The following AGBL2 variants were observed in gnomAD, a reference collection of about 807,000 sequenced individuals.
AGBL2 encodes the protein cytosolic carboxypeptidase 2.
Under a neutral mutation model 103.0 loss-of-function variants are expected in AGBL2, and 87 were observed. The observed-to-expected ratio is 0.84, with a 90% CI of 0.71 to 1.01. AGBL2 has a LOEUF of 1.01. Among genes scored for constraint, AGBL2 ranks in the 50% least tolerant of loss-of-function variants. The pLI is 0.00. For synonymous variants in AGBL2, 335 were observed against 356.7 expected, an observed-to-expected ratio of 0.94 and a Z score of 0.69; for missense variants, 904 against 1,023.5, an observed-to-expected ratio of 0.88 and a Z score of 1.59.
At chr11:47,683,041 GAGAAAAAAAGAAA>G (rs899928087) in intron 11 of AGBL2, among the ~76,000 whole-genome samples, 3 of 151,636 alleles carry the variant, frequency 2.0e-5, no homozygotes, top group Admixed American at 2.0e-4. Flanking sequence ...AAGAAGAGAA[GAGAAAAAAAGAAA>G]AGAAAAAAGA....
chr11:47,685,997 G>C lies in AGBL2; in HGVS notation c.1684C>G (p.Arg562Gly), dbSNP rs1391247134. The stretch of plus-strand genomic sequence containing the variant: ...CCATACAGGAAGATATTATTCTTAC[G>C]ACTGTGGCCATGGAAATCACAATAC... ...LLYCDFHGHS[R>G]KNNIFLYGCN... The change falls in exon 11 of 19, where the codon CGT (arginine) becomes GGT (glycine). Residue 562 changes from arginine (R) to glycine (G), a missense_variant. Arg to Gly is a moderately radical substitution (Grantham distance 125, BLOSUM62 -2). Transcript: ENST00000525123. The C allele has an allele frequency of 6.2e-7, 1 of 1,613,904 alleles. No individual in the cohort carries two copies. The highest frequency in any genetic ancestry group is 8.5e-7 in the Non-Finnish European group (1 of 1,179,918).
chr11:47,673,703 A>AACCCGG (rs2097364501), intron 14 of AGBL2, among the ~76,000 whole-genome samples: 1 of 149,168 alleles, frequency 6.7e-6, no homozygotes, highest in African/African-American at 2.5e-5. Context: ...CTGAGGCAGG[A>AACCCGG]GAATTGCTTG....
At chr11:47,684,790 T>G (rs2097417351) in intron 11 of AGBL2, among the ~76,000 whole-genome samples, 1 of 152,202 alleles carries the variant, frequency 6.6e-6, no homozygotes, top group Non-Finnish European at 1.5e-5. Context: ...CAATTATTTG[T>G]GATCTTCTAG....
intron 17 of AGBL2, among the ~76,000 whole-genome samples, chr11:47,665,526 G>A (rs1439891558): frequency 6.6e-6 from 1 of 151,908 alleles, no homozygotes. Flanking sequence ...GTATGATCAT[G>A]GCTCACTGCA....
rs1480308406 is a variant in AGBL2, at chr11:47,666,984, A to G, written c.2420T>C (p.Met807Thr). 11 of 1,613,426 alleles carry G rather than the reference A, an allele frequency of 6.8e-6. No individual in the cohort carries two copies. Among genetic ancestry groups the G allele is most frequent in the Admixed American group, 6.7e-5 (4 of 59,916 alleles). Residue 807 changes from methionine (M) to threonine (T), a missense_variant, in exon 17 of 19, where the codon ATG becomes ACG. Met to Thr is a moderately conservative substitution (Grantham distance 81, BLOSUM62 -1). Coordinates refer to ENST00000525123, the MANE Select transcript of AGBL2 (RefSeq NM_024783.4). ...ATTTAACCTTGGGTTTTCATTTTTCATTGGTAAAAAACTGGAATTCTCTGA... is the reference window on the plus strand; with the variant it reads ...ATTTAACCTTGGGTTTTCATTTTTCGTTGGTAAAAAACTGGAATTCTCTGA... Reference protein sequence around the residue: ...KNSENSSFLPMKNENPRLNET... With the variant: ...KNSENSSFLPTKNENPRLNET...
At chr11:47,681,057 TG>T (rs1470225155) in intron 12 of AGBL2, among the ~76,000 whole-genome samples, 1 of 151,878 alleles carries the variant, frequency 6.6e-6, no homozygotes, top group East Asian at 1.9e-4. Context: ...AGGCTGGGCA[TG>T]GTGGTTCATG....
intron 8 of AGBL2, among the ~76,000 whole-genome samples, chr11:47,698,007 G>A (rs1216521898): frequency 2.0e-5 from 3 of 151,158 alleles, no homozygotes; most frequent in Non-Finnish European, 4.4e-5. Flanking sequence ...GTTTACAGGC[G>A]CCTGCCACCA....
At chr11:47,680,096 A>C (rs549833555) in intron 12 of AGBL2, 23 bp from the exon 13 acceptor site, 203 of 1,334,322 alleles carry the variant, frequency 1.5e-4, no homozygotes, top group Non-Finnish European at 2.1e-4. Context: ...AAAACCCCGC[A>C]AACATTTCCA....
In AGBL2 at chr11:47,699,377, A is replaced by C. The variant is rs1389387782; in HGVS notation, c.694+69T>G. 6.6e-6 allele frequency: 6 copies of C among 902,642 alleles called. No individual in the cohort carries two copies. In the East Asian group the frequency reaches 1.4e-4, roughly 21 times the overall value. The allele number at this position is 902,642 out of a possible 1,614,324, so 55.9% of individuals were successfully genotyped here. On this transcript the variant is annotated intron_variant, in intron 8 of 18. Transcript: ENST00000525123. ...ACTATGGATTTTTAAAATCACTTTTATTATGGAACATATGTTTATTATAAC... is the reference window on the plus strand; with the variant it reads ...ACTATGGATTTTTAAAATCACTTTTCTTATGGAACATATGTTTATTATAAC...
chr11:47,678,335 A>ATTTTTTTTTTTTTTTTTTT (rs771416947), intron 13 of AGBL2, among the ~76,000 whole-genome samples: 3 of 67,812 alleles, frequency 4.4e-5, no homozygotes, highest in South Asian at 1.2e-3. Flanking sequence ...ATTTTATTTT[A>ATTTTTTTTTTTTTTTTTTT]TTATTTTATT....
chr11:47,692,060 C>G, intron 9 of AGBL2, 43 bp downstream of exon 9: 1 of 1,561,314 alleles, frequency 6.4e-7, no homozygotes. Context: ...AAGACACCTT[C>G]TAGTCACTCC....
At chr11:47,678,974 G>A (rs1442187883) in intron 13 of AGBL2, among the ~76,000 whole-genome samples, 3 of 131,120 alleles carry the variant, frequency 2.3e-5, no homozygotes, top group Non-Finnish European at 4.7e-5. Context: ...CAGGAGAATT[G>A]CATGATCCTG....
intron 3 of AGBL2, 191 bp from the exon 4 acceptor site, chr11:47,710,702 C>G: frequency 1.4e-6 from 1 of 693,360 alleles, no homozygotes; most frequent in Admixed American, 2.1e-5. Context: ...CCCCACCTTA[C>G]AGCTGAGGAA....
chr11:47,699,930 A>G (rs1198499970), intron 7 of AGBL2, among the ~76,000 whole-genome samples: 2 of 152,046 alleles, frequency 1.3e-5, no homozygotes, highest in Non-Finnish European at 1.5e-5. Context: ...AGGTCTATCA[A>G]TTGTTTCAGA....
Position 47,677,407 on chromosome 11 carries a change from A to G in AGBL2, c.2017-6T>C. 1 of 1,471,098 alleles carries G rather than the reference A, an allele frequency of 6.8e-7. No individual in the cohort carries two copies. The highest frequency in any genetic ancestry group is 9.0e-7 in the Non-Finnish European group (1 of 1,112,480). The allele number at this position is 1,471,098 out of a possible 1,614,324, so 91.1% of individuals were successfully genotyped here. The stretch of plus-strand genomic sequence containing the variant: ...TCTGCTAGACACTGAGTGAACTATG[A>G]AAGTGAAAAAAAGAACTATTTTGTT... On this transcript the variant is annotated splice_region_variant and splice_polypyrimidine_tract_variant and intron_variant, in intron 13 of 18. Transcript: ENST00000525123.
At chr11:47,696,928 T>G (rs1185877733) in intron 8 of AGBL2, among the ~76,000 whole-genome samples, 2 of 152,128 alleles carry the variant, frequency 1.3e-5, no homozygotes, top group African/African-American at 4.8e-5. Context: ...TTTTTATTTT[T>G]TATTTATTTA....
chr11:47,690,960 A>C (rs2097442935), intron 9 of AGBL2, 102 bp from the exon 10 acceptor site: 1 of 934,740 alleles, frequency 1.1e-6, no homozygotes, highest in Non-Finnish European at 1.6e-6. Context: ...GTCTTATTAC[A>C]ACAGAAAAAT....
In AGBL2 at chr11:47,699,473, C is replaced by CT; in HGVS notation, c.666dup (p.Gly223ArgfsTer42). ...GAATCTAATTGATAGACAACTGTTCCTTTTTTCTCTCCTACAATCTCTGGT... is the reference window on the plus strand; with the variant it reads ...GAATCTAATTGATAGACAACTGTTCCTTTTTTTCTCTCCTACAATCTCTGGT... On this transcript the variant is annotated frameshift_variant, in exon 8 of 19. Coordinates refer to ENST00000525123, the MANE Select transcript of AGBL2 (RefSeq NM_024783.4). LOFTEE classifies it high-confidence loss of function. 2 of 1,601,840 alleles carry CT rather than the reference C, an allele frequency of 1.2e-6. No individual in the cohort carries two copies. Among genetic ancestry groups the CT allele is most frequent in the South Asian group, 1.1e-5 (1 of 90,298 alleles).
In AGBL2 at chr11:47,668,880, TGA is replaced by T. The variant is rs768202253; in HGVS notation, c.2173_2174del (p.Ser725ArgfsTer13). ...SSTSGSDSSLSDGLPVHLANI... is the reference protein window; with the variant it reads ...SSTSGSDSSLXDGLPVHLANI... ...TTGCTAGGTGAACAGGAAGACCATC[TGA>T]GAGAGAACTGTCAGAGCCACTGGTG... On this transcript the variant is annotated frameshift_variant, in exon 15 of 19. Coordinates refer to ENST00000525123, the MANE Select transcript of AGBL2 (RefSeq NM_024783.4). LOFTEE classifies it high-confidence loss of function. 52 of 1,613,380 alleles carry T rather than the reference TGA, an allele frequency of 3.2e-5. No homozygotes were observed. The African/African-American group carries it at 6.1e-4, about 19-fold the overall frequency.
Sources: gnomAD v4.1 joint callset for allele counts (sites outside exome capture counted in the v4.1 genomes callset) on GRCh38, gnomAD v4.1.1 for gene constraint, MANE v1.5 for transcripts, NCBI Gene and HGNC (gene_info 2026-07-23, HGNC 2026-07-21) for gene names.